The following SGMS1 variants were observed in gnomAD, a reference collection of about 807,000 sequenced individuals.
SGMS1 encodes sphingomyelin synthase 1.
In SGMS1, 13 loss-of-function variants were observed where a neutral mutation model predicts 46.2. That is an observed-to-expected ratio of 0.28 (90% CI 0.18 to 0.45). The LOEUF (loss-of-function observed/expected upper bound fraction) is 0.45. SGMS1 is among the 20% of genes least tolerant of loss of function. SGMS1 has a pLI of 1.00. For synonymous variants in SGMS1, 203 were observed against 187.8 expected, an observed-to-expected ratio of 1.08 and a Z score of -0.66; for missense variants, 324 against 519.9, an observed-to-expected ratio of 0.62 and a Z score of 3.66.
chr10:50,529,868 T>C (rs1837937779), intron 2 of SGMS1, among the ~76,000 whole-genome samples: 2 of 152,290 alleles, frequency 1.3e-5, no homozygotes, highest in South Asian at 4.1e-4. Context: ...GAGAACCATG[T>C]ACTGGAGGAC....
chr10:50,522,251 G>C (rs1837863000), intron 2 of SGMS1, among the ~76,000 whole-genome samples: 1 of 152,068 alleles, frequency 6.6e-6, no homozygotes, highest in South Asian at 2.1e-4. Context: ...AGCCCTTCAA[G>C]CTGGCTCCTT....
At chr10:50,553,952 C>A (rs1008018205) in intron 2 of SGMS1, among the ~76,000 whole-genome samples, 14 of 152,174 alleles carry the variant, frequency 9.2e-5, no homozygotes, top group African/African-American at 3.4e-4. Context: ...CACCTGAAAA[C>A]AGAAGGGACA....
At chr10:50,596,759 C>T (rs1461015055) in intron 1 of SGMS1, among the ~76,000 whole-genome samples, 1 of 152,218 alleles carries the variant, frequency 6.6e-6, no homozygotes, top group Non-Finnish European at 1.5e-5. Flanking sequence ...GCCAGATCTC[C>T]TGCTCAGCAT....
At chr10:50,346,478 C>G (rs1847913680) in intron 6 of SGMS1, among the ~76,000 whole-genome samples, 1 of 152,036 alleles carries the variant, frequency 6.6e-6, no homozygotes, top group South Asian at 2.1e-4. Context: ...AAATAATAAT[C>G]TGATAAAATC....
chr10:50,579,916 C>T (rs757288697), intron 2 of SGMS1, among the ~76,000 whole-genome samples: 4 of 152,000 alleles, frequency 2.6e-5, no homozygotes, highest in Non-Finnish European at 5.9e-5. Flanking sequence ...TGGAGCAAAG[C>T]GTAAGACTCC....
intron 5 of SGMS1, among the ~76,000 whole-genome samples, chr10:50,458,184 C>T (rs1239312935): frequency 6.6e-6 from 1 of 152,058 alleles, no homozygotes; most frequent in Non-Finnish European, 1.5e-5. Context: ...TTAGGACGGC[C>T]CTTGTTTGAA....
At chr10:50,415,993 T>C (rs1849164298) in intron 6 of SGMS1, among the ~76,000 whole-genome samples, 1 of 152,190 alleles carries the variant, frequency 6.6e-6, no homozygotes. Flanking sequence ...TTACCGGAGT[T>C]CAGCAACACT....
At chr10:50,340,213 T>C (rs901053768) in intron 7 of SGMS1, among the ~76,000 whole-genome samples, 2 of 152,244 alleles carry the variant, frequency 1.3e-5, no homozygotes, top group South Asian at 4.1e-4. Flanking sequence ...CTCCTTGGCT[T>C]TCTTCTTCAG....
chr10:50,408,081 G>A (rs1181972975), intron 6 of SGMS1, among the ~76,000 whole-genome samples: 1 of 152,124 alleles, frequency 6.6e-6, no homozygotes, highest in African/African-American at 2.4e-5. Context: ...TGTAGCTATT[G>A]AGCACTTGAA....
intron 2 of SGMS1, among the ~76,000 whole-genome samples, chr10:50,562,506 G>T (rs1838249459): frequency 6.6e-6 from 1 of 152,116 alleles, no homozygotes; most frequent in Admixed American, 6.5e-5. Context: ...GCTGTAAGAG[G>T]AAAGTTACAT....
intron 6 of SGMS1, among the ~76,000 whole-genome samples, chr10:50,423,927 T>A (rs768258148): frequency 4.6e-5 from 7 of 152,224 alleles, no homozygotes; most frequent in Non-Finnish European, 8.8e-5. Flanking sequence ...TACCTACTAA[T>A]GACAGCAGCT....
At chr10:50,380,165 G>A (rs1267693490) in intron 6 of SGMS1, among the ~76,000 whole-genome samples, 2 of 152,094 alleles carry the variant, frequency 1.3e-5, no homozygotes, top group Non-Finnish European at 2.9e-5. Flanking sequence ...CGGATCACCT[G>A]AGGTCAGATG....
intron 1 of SGMS1, among the ~76,000 whole-genome samples, chr10:50,614,806 G>A (rs1474507485): frequency 1.3e-5 from 2 of 152,168 alleles, no homozygotes; most frequent in African/African-American, 4.8e-5. Context: ...CTGCCACCTG[G>A]CAAAGGCCCC....
At chr10:50,619,826 C>T (rs1838832620) in intron 1 of SGMS1, among the ~76,000 whole-genome samples, 1 of 152,138 alleles carries the variant, frequency 6.6e-6, no homozygotes, top group Non-Finnish European at 1.5e-5. Flanking sequence ...GATTTCAGGC[C>T]CCCAAAATCA....
chr10:50,470,175 G>A (rs1837366255), intron 3 of SGMS1, among the ~76,000 whole-genome samples: 2 of 152,150 alleles, frequency 1.3e-5, no homozygotes, highest in African/African-American at 2.4e-5. Flanking sequence ...GAAAGATGGT[G>A]TGTAATAAGA....
At position 50,355,604 on chromosome 10, in the gene SGMS1, G is replaced by T. The variant is rs533272580; in HGVS notation, c.-231-11259C>A. 2.0e-5 allele frequency among the ~76,000 whole-genome samples: 3 copies of T among 152,310 alleles called. No individual in the cohort carries two copies. The East Asian group carries it at 5.8e-4, about 29-fold the overall frequency. Reference sequence around the variant, plus strand: ...ATGTTGCCCAGGCTGGAGTGCAGTGGCGTGATCTCGGCTCGCTACAACCTC... The same window carrying T: ...ATGTTGCCCAGGCTGGAGTGCAGTGTCGTGATCTCGGCTCGCTACAACCTC... On this transcript the variant is annotated intron_variant, in intron 6 of 10. Transcript: ENST00000361781.
intron 3 of SGMS1, among the ~76,000 whole-genome samples, chr10:50,509,888 T>G (rs901585584): frequency 1.3e-5 from 2 of 152,226 alleles, no homozygotes; most frequent in Non-Finnish European, 2.9e-5. Flanking sequence ...GGTGTTTTTA[T>G]TTTAAAGTCA....
chr10:50,612,950 C>T (rs559176576), intron 1 of SGMS1, among the ~76,000 whole-genome samples: 13 of 152,278 alleles, frequency 8.5e-5, no homozygotes, highest in Admixed American at 6.5e-4. Context: ...CTCATAGCCA[C>T]GTTTTTTAAA....
At chr10:50,472,075 T>A (rs1837383525) in intron 3 of SGMS1, among the ~76,000 whole-genome samples, 1 of 152,170 alleles carries the variant, frequency 6.6e-6, no homozygotes, top group Admixed American at 6.6e-5. Flanking sequence ...CATTATTTTC[T>A]TTTTTAATTT....
Sources: allele counts gnomAD v4.1 joint callset (sites outside exome capture counted in the v4.1 genomes callset), GRCh38; gene constraint gnomAD v4.1.1; transcripts MANE v1.5; gene names NCBI Gene and HGNC (gene_info 2026-07-23, HGNC 2026-07-21).